OR2C1: variants seen among roughly 807,000 people sequenced by gnomAD.
OR2C1 encodes the protein olfactory receptor family 2 subfamily C member 1, also known as olfactory receptor 2C1.
For missense variants in OR2C1, 468 were observed against 388.3 expected (o/e 1.21, Z -1.73); for synonymous variants, 209 against 167.3 (o/e 1.25, Z -1.92).
the OR2C1 span, among the ~76,000 whole-genome samples, chr16:3,334,628 C>T: frequency 2.0e-5 from 3 of 151,258 alleles, no homozygotes; most frequent in African/African-American, 4.8e-5. Flanking sequence ...AGCCACCACG[C>T]CCAGCCTTCC....
chr16:3,339,299 G>T, the OR2C1 span, among the ~76,000 whole-genome samples: 43 of 148,824 alleles, frequency 2.9e-4, no homozygotes, highest in African/African-American at 9.2e-4. Context: ...TCATCTTTTG[G>T]CTAAATGAAT....
At chr16:3,345,633 C>T in the OR2C1 span, among the ~76,000 whole-genome samples, 1 of 151,992 alleles carries the variant, frequency 6.6e-6, no homozygotes, top group South Asian at 2.1e-4. Context: ...CAAAGAATTA[C>T]ATATCAAACA....
chr16:3,333,498 G>A, the OR2C1 span, among the ~76,000 whole-genome samples: 1 of 151,840 alleles, frequency 6.6e-6, no homozygotes, highest in Non-Finnish European at 1.5e-5. Flanking sequence ...ACCGCGCCCG[G>A]CTAGTTTTTT....
At chr16:3,329,169 G>GACACACACACACAC in the OR2C1 span, among the ~76,000 whole-genome samples, 2,632 of 115,060 alleles carry the variant, frequency 0.023, 96 homozygotes, top group East Asian at 0.09. Context: ...TGGGAGGGAA[G>GACACACACACACAC]ACACACACAC....
At chr16:3,323,931 T>C in the OR2C1 span, 1 of 858,080 alleles carries the variant, frequency 1.2e-6, no homozygotes. Flanking sequence ...GCCATCTTTC[T>C]AGTGTTGTAG....
the OR2C1 span, among the ~76,000 whole-genome samples, chr16:3,337,018 T>G: frequency 6.6e-6 from 1 of 151,352 alleles, no homozygotes; most frequent in Non-Finnish European, 1.5e-5. Flanking sequence ...CATGCCTGGC[T>G]AATTTTTTGT....
At chr16:3,333,886 A>T in the OR2C1 span, among the ~76,000 whole-genome samples, 1 of 151,934 alleles carries the variant, frequency 6.6e-6, no homozygotes, top group South Asian at 2.1e-4. Flanking sequence ...GGTGAGAGAC[A>T]GGGGGCTAGT....
the OR2C1 span, chr16:3,323,308 A>T: frequency 9.8e-7 from 1 of 1,025,540 alleles, no homozygotes; most frequent in Non-Finnish European, 1.5e-6. Context: ...TGGAAAGGGC[A>T]AAAGAACCAT....
At chr16:3,323,576 C>G in the OR2C1 span, 1 of 751,772 alleles carries the variant, frequency 1.3e-6, no homozygotes, top group Non-Finnish European at 2.4e-6. Flanking sequence ...AAAGACACCA[C>G]TAAAAATTTT....
the OR2C1 span, among the ~76,000 whole-genome samples, chr16:3,334,372 G>A: frequency 6.6e-6 from 1 of 151,152 alleles, no homozygotes; most frequent in Admixed American, 6.6e-5. Flanking sequence ...TCTTGACCTT[G>A]TGATCCGCCT....
the OR2C1 span, among the ~76,000 whole-genome samples, chr16:3,345,829 T>C: frequency 9.6e-3 from 1,117 of 116,380 alleles, 12 homozygotes; most frequent in African/African-American, 0.033. Context: ...CCTTCCTTCC[T>C]TCCCTCCTTC....
At chr16:3,350,408 GT>G in the OR2C1 span, among the ~76,000 whole-genome samples, 2 of 144,802 alleles carry the variant, frequency 1.4e-5, no homozygotes, top group African/African-American at 5.1e-5. Context: ...TTGTTTTTTT[GT>G]TTTTTTTGTG....
the OR2C1 span, among the ~76,000 whole-genome samples, chr16:3,349,114 A>C: frequency 6.7e-6 from 1 of 149,870 alleles, no homozygotes; most frequent in Non-Finnish European, 1.5e-5. Context: ...GCCTTCCACC[A>C]CCCCCCTCCC....
At chr16:3,344,341 A>T in the OR2C1 span, among the ~76,000 whole-genome samples, 1 of 152,182 alleles carries the variant, frequency 6.6e-6, no homozygotes, top group African/African-American at 2.4e-5. Context: ...AATAGCTAAC[A>T]TATTTATTTT....
At chr16:3,324,389 C>T in the OR2C1 span, among the ~76,000 whole-genome samples, 1 of 152,100 alleles carries the variant, frequency 6.6e-6, no homozygotes, top group African/African-American at 2.4e-5. Context: ...AGGGTTTCAA[C>T]GTGTTTCCCA....
chr16:3,353,489 C>CAA (rs58703245), upstream of OR2C1, among the ~76,000 whole-genome samples: 173 of 82,890 alleles, frequency 2.1e-3, 3 homozygotes, highest in South Asian at 6.2e-3. Context: ...GACTCCGTCT[C>CAA]AAAAAAAAAA....
the OR2C1 span, among the ~76,000 whole-genome samples, chr16:3,344,129 G>A: frequency 3.3e-5 from 5 of 152,076 alleles, no homozygotes; most frequent in South Asian, 2.1e-4. Flanking sequence ...GCCGAGGCAC[G>A]AGAATCACTT....
chr16:3,328,822 A>G, the OR2C1 span, among the ~76,000 whole-genome samples: 1 of 152,086 alleles, frequency 6.6e-6, no homozygotes, highest in Non-Finnish European at 1.5e-5. Flanking sequence ...CAGAAGTACT[A>G]TGCTCTGAGG....
chr16:3,352,191 A>C (rs542540647), upstream of OR2C1, among the ~76,000 whole-genome samples: 1 of 152,020 alleles, frequency 6.6e-6, no homozygotes, highest in East Asian at 1.9e-4. Flanking sequence ...ATCTTGGCTC[A>C]CTGCAAGCTC....
Sources: gnomAD v4.1 joint callset for allele counts (sites outside exome capture counted in the v4.1 genomes callset) on GRCh38, gnomAD v4.1.1 for gene constraint, MANE v1.5 for transcripts, NCBI Gene and HGNC (gene_info 2026-07-23, HGNC 2026-07-21) for gene names.